TAFA1: variants seen among roughly 807,000 people sequenced by gnomAD.
TAFA1 encodes the protein chemokine-like protein TAFA-1.
A neutral mutation model predicts 18.5 loss-of-function variants in TAFA1; 4 were observed. The observed-to-expected ratio is 0.22, with a 90% CI of 0.11 to 0.49. The LOEUF (loss-of-function observed/expected upper bound fraction) is 0.49, where lower values mean the gene tolerates loss of function less well. TAFA1 is among the 20% of genes least tolerant of loss of function. The pLI, the probability that TAFA1 is intolerant of heterozygous loss-of-function variation, is 0.98. For missense variants in TAFA1, 147 were observed against 169.0 expected, an observed-to-expected ratio of 0.87 and a Z score of 0.72; for synonymous variants, 56 against 55.2, an observed-to-expected ratio of 1.01 and a Z score of -0.06.
At chr3:68,434,224 T>G (rs907421597) in intron 3 of TAFA1, among the ~76,000 whole-genome samples, 3 of 152,098 alleles carry the variant, frequency 2.0e-5, no homozygotes, top group Admixed American at 6.6e-5. Context: ...GTTGCTAGTG[T>G]TATGTGAAGT....
At chr3:68,399,588 C>A (rs1392051656) in intron 2 of TAFA1, among the ~76,000 whole-genome samples, 1 of 151,800 alleles carries the variant, frequency 6.6e-6, no homozygotes, top group Non-Finnish European at 1.5e-5. Context: ...CTTGCAGGAC[C>A]ATAATTCATG....
chr3:68,170,882 A>ACACT (rs924930324), intron 2 of TAFA1, among the ~76,000 whole-genome samples: 3 of 151,890 alleles, frequency 2.0e-5, no homozygotes, highest in African/African-American at 7.3e-5. Context: ...ACACACACAC[A>ACACT]CACGTACACA....
At chr3:68,457,735 C>G (rs1248871789) in intron 3 of TAFA1, among the ~76,000 whole-genome samples, 1 of 152,152 alleles carries the variant, frequency 6.6e-6, no homozygotes, top group Non-Finnish European at 1.5e-5. Flanking sequence ...TATGATAGAT[C>G]TCTTCAATTT....
At chr3:68,035,131 C>T (rs777427954) in intron 2 of TAFA1, among the ~76,000 whole-genome samples, 1 of 152,140 alleles carries the variant, frequency 6.6e-6, no homozygotes, top group Non-Finnish European at 1.5e-5. Flanking sequence ...CTTGTCATCT[C>T]AGATTTATTT....
chr3:68,164,137 C>T (rs2065955505), intron 2 of TAFA1, among the ~76,000 whole-genome samples: 2 of 152,178 alleles, frequency 1.3e-5, no homozygotes. Context: ...AATAATATCC[C>T]ATTGCCATTC....
At chr3:68,131,130 C>T (rs1375345777) in intron 2 of TAFA1, among the ~76,000 whole-genome samples, 1 of 152,116 alleles carries the variant, frequency 6.6e-6, no homozygotes, top group African/African-American at 2.4e-5. Context: ...GTTATGTTGT[C>T]CCAGAGAGAT....
intron 2 of TAFA1, among the ~76,000 whole-genome samples, chr3:68,219,231 G>C (rs2066700741): frequency 6.6e-6 from 1 of 151,956 alleles, no homozygotes; most frequent in Non-Finnish European, 1.5e-5. Context: ...TTCCCCTCCA[G>C]AACAGTTTCC....
intron 2 of TAFA1, among the ~76,000 whole-genome samples, chr3:68,094,003 T>G (rs2065057901): frequency 6.6e-6 from 1 of 152,118 alleles, no homozygotes; most frequent in Admixed American, 6.6e-5. Flanking sequence ...TCAAAACTAT[T>G]TTCATGTTAT....
intron 2 of TAFA1, among the ~76,000 whole-genome samples, chr3:68,251,079 A>C (rs2067186885): frequency 6.8e-6 from 1 of 146,404 alleles, no homozygotes; most frequent in Non-Finnish European, 1.5e-5. Flanking sequence ...TTAATCAAGA[A>C]AAAAAAACCA....
rs199520960 is a variant in TAFA1, at chr3:68,495,998, CAA to C, written c.260-42730_260-42729del. ...GATAGTGAACCTTCTTTCCCTGAAG[CAA>C]AAAAAAAAAAAAAAAAAAAAAAAAA... On this transcript the variant is annotated intron_variant, in intron 3 of 4. Coordinates refer to ENST00000478136, the MANE Select transcript of TAFA1 (RefSeq NM_213609.4). 5.8e-3 allele frequency among the ~76,000 whole-genome samples: 618 copies of C among 107,230 alleles called. 1 individual carries two copies. The highest frequency in any genetic ancestry group is 0.019 in the African/African-American group (482 of 25,264). The allele number at this position is 107,230 out of a possible 152,430, so 70.3% of individuals were successfully genotyped here.
chr3:68,130,674 C>T (rs1038808671), intron 2 of TAFA1, among the ~76,000 whole-genome samples: 5 of 152,246 alleles, frequency 3.3e-5, no homozygotes, highest in Admixed American at 1.3e-4. Context: ...TCTCATCTTA[C>T]GTTCCCCTCC....
intron 3 of TAFA1, among the ~76,000 whole-genome samples, chr3:68,441,553 G>C (rs2071380835): frequency 6.6e-6 from 1 of 152,100 alleles, no homozygotes; most frequent in Admixed American, 6.5e-5. Flanking sequence ...GGTACTTTCT[G>C]ACCCATCTAG....
intron 3 of TAFA1, among the ~76,000 whole-genome samples, chr3:68,433,166 C>T (rs563907077): frequency 3.9e-5 from 6 of 152,166 alleles, no homozygotes; most frequent in Non-Finnish European, 7.4e-5. Context: ...CACTCAATAG[C>T]ATTTGCATTT....
At chr3:68,191,162 T>C (rs932082694) in intron 2 of TAFA1, among the ~76,000 whole-genome samples, 1 of 151,850 alleles carries the variant, frequency 6.6e-6, no homozygotes, top group Non-Finnish European at 1.5e-5. Flanking sequence ...TGTTTTTGTT[T>C]TGTTCTGTCT....
intron 3 of TAFA1, among the ~76,000 whole-genome samples, chr3:68,436,628 A>G (rs1188518779): frequency 6.6e-6 from 1 of 152,150 alleles, no homozygotes; most frequent in Non-Finnish European, 1.5e-5. Flanking sequence ...AGCAGGTAAG[A>G]CCAGCAGGTG....
chr3:67,991,735 C>T, the TAFA1 span, among the ~76,000 whole-genome samples: 3 of 152,298 alleles, frequency 2.0e-5, no homozygotes, highest in Non-Finnish European at 4.4e-5. Flanking sequence ...GATTGAGCCA[C>T]GCTACTGGCA....
At chr3:68,542,455 T>C (rs1015226748) in intron 4 of TAFA1, among the ~76,000 whole-genome samples, 1 of 152,116 alleles carries the variant, frequency 6.6e-6, no homozygotes, top group Non-Finnish European at 1.5e-5. Context: ...ATCAAATACG[T>C]AAGTTTGAAA....
chr3:68,386,451 C>G (rs541035820), intron 2 of TAFA1, among the ~76,000 whole-genome samples: 3 of 151,976 alleles, frequency 2.0e-5, no homozygotes, highest in South Asian at 4.2e-4. Context: ...GCATGGAGAG[C>G]ACATATTTGA....
intron 2 of TAFA1, among the ~76,000 whole-genome samples, chr3:68,279,306 A>G (rs978914398): frequency 6.6e-6 from 1 of 152,116 alleles, no homozygotes; most frequent in Non-Finnish European, 1.5e-5. Flanking sequence ...TTCTTTATAC[A>G]GTTCTTTTGC....
Sources: gnomAD v4.1 joint callset for allele counts (sites outside exome capture counted in the v4.1 genomes callset) on GRCh38, gnomAD v4.1.1 for gene constraint, MANE v1.5 for transcripts, NCBI Gene and HGNC (gene_info 2026-07-23, HGNC 2026-07-21) for gene names.